GABPA: variants seen among roughly 807,000 people sequenced by gnomAD.
GABPA encodes GA binding protein transcription factor subunit alpha, also known as GA-binding protein alpha chain.
In GABPA, 4 loss-of-function variants were observed where a neutral mutation model predicts 59.4. The observed-to-expected ratio is 0.07, with a 90% CI of 0.03 to 0.15. GABPA has a LOEUF of 0.15. Among genes scored for constraint, GABPA ranks in the 10% least tolerant of loss-of-function variants. GABPA has a pLI of 1.00. For missense variants in GABPA, 251 were observed against 543.8 expected, an observed-to-expected ratio of 0.46 and a Z score of 5.36; for synonymous variants, 164 against 183.1, an observed-to-expected ratio of 0.90 and a Z score of 0.84.
intron 1 of GABPA, among the ~76,000 whole-genome samples, chr21:25,736,896 C>G (rs1301277047): frequency 3.3e-5 from 5 of 152,176 alleles, no homozygotes; most frequent in African/African-American, 1.2e-4. Context: ...TCCTCAGACA[C>G]AGAAAAGCAT....
At chr21:25,738,047 T>C (rs1023249505) in intron 1 of GABPA, among the ~76,000 whole-genome samples, 1 of 152,180 alleles carries the variant, frequency 6.6e-6, no homozygotes, top group African/African-American at 2.4e-5. Flanking sequence ...TTTGAGAATT[T>C]TTCTGGAATG....
chr21:25,738,850 A>C (rs1249593423), intron 1 of GABPA, among the ~76,000 whole-genome samples: 1 of 151,994 alleles, frequency 6.6e-6, no homozygotes, highest in African/African-American at 2.4e-5. Context: ...GAATTCCACA[A>C]TTTTACACAT....
In GABPA at chr21:25,745,314, G is replaced by T; in HGVS notation, c.182G>T (p.Cys61Phe). 1.9e-6 allele frequency: 3 copies of T among 1,612,556 alleles called. No homozygotes were observed. The highest frequency in any genetic ancestry group is 2.5e-6 in the Non-Finnish European group (3 of 1,179,566). The change falls in exon 3 of 10, where the codon TGT becomes TTT. Residue 61 changes from cysteine to phenylalanine, a missense_variant. This residue lies in a region of GABPA where 207 missense variants were observed against 366.7 expected (regional missense o/e 0.56). Transcript: ENST00000400075. ...LKKLLEPRLQCSLDAHEICLQ... is the reference protein window; with the variant it reads ...LKKLLEPRLQFSLDAHEICLQ... ...AAACTGCTAGAACCAAGACTACAGTGTTCTTTGGATGCTCATGAAATTTGT... is the reference window on the plus strand; with the variant it reads ...AAACTGCTAGAACCAAGACTACAGTTTTCTTTGGATGCTCATGAAATTTGT...
intron 9 of GABPA, among the ~76,000 whole-genome samples, chr21:25,765,462 T>G (rs113804005): frequency 1.5e-4 from 23 of 151,938 alleles, no homozygotes; most frequent in African/African-American, 5.6e-4. Flanking sequence ...AGATTATAAT[T>G]TAGCTCACAC....
chr21:25,744,964 A>C (rs2035324592), intron 2 of GABPA, among the ~76,000 whole-genome samples: 1 of 152,216 alleles, frequency 6.6e-6, no homozygotes, highest in Non-Finnish European at 1.5e-5. Flanking sequence ...ACACATATGT[A>C]TGTACATACA....
intron 1 of GABPA, among the ~76,000 whole-genome samples, chr21:25,736,586 A>G (rs1022191877): frequency 1.8e-4 from 28 of 152,218 alleles, no homozygotes; most frequent in Non-Finnish European, 1.5e-5. Flanking sequence ...TGAGGCATGT[A>G]TAGTAATGAA....
intron 4 of GABPA, among the ~76,000 whole-genome samples, chr21:25,750,867 T>C (rs2035491914): frequency 6.6e-6 from 1 of 152,186 alleles, no homozygotes; most frequent in African/African-American, 2.4e-5. Flanking sequence ...AGGAAATAGA[T>C]TTTAACAAAA....
intron 1 of GABPA, among the ~76,000 whole-genome samples, chr21:25,738,924 GA>G (rs533150942): frequency 1.5e-4 from 21 of 144,518 alleles, no homozygotes; most frequent in Middle Eastern, 7.1e-3. Flanking sequence ...GCATCAGCAA[GA>G]AAAAAAAAAA....
chr21:25,746,339 A>T lies in GABPA; in HGVS notation c.222+985A>T, dbSNP rs145430573. Among the ~76,000 whole-genome samples, 17 of 152,154 alleles carry T rather than the reference A, an allele frequency of 1.1e-4. No individual in the cohort carries two copies. In the East Asian group the frequency reaches 2.7e-3, roughly 24 times the overall value. ...TGAGTTTTATACTATTTTTATATTA[A>T]CTTAGATTAATGTATATTGTTTCAT... On this transcript the variant is annotated intron_variant, in intron 3 of 9. Coordinates refer to ENST00000400075, the MANE Select transcript of GABPA (RefSeq NM_002040.4).
chr21:25,752,393 A>G (rs912802586), intron 5 of GABPA, 159 bp downstream of exon 5: 24 of 805,880 alleles, frequency 3.0e-5, no homozygotes, highest in Non-Finnish European at 4.6e-5. Flanking sequence ...ATTTAAGCTC[A>G]TGTGGTGGAC....
At chr21:25,761,124 A>AC (rs962007717) in intron 6 of GABPA, among the ~76,000 whole-genome samples, 6 of 152,176 alleles carry the variant, frequency 3.9e-5, no homozygotes, top group Admixed American at 3.9e-4. Context: ...ATCAAGAGAG[A>AC]CCACAGTTCT....
At chr21:25,762,476 A>T (rs2035788221) in intron 7 of GABPA, 111 bp downstream of exon 7, 1 of 687,814 alleles carries the variant, frequency 1.5e-6, no homozygotes, top group Non-Finnish European at 2.5e-6. Flanking sequence ...TACACACAAA[A>T]TATCTTTTGT....
chr21:25,756,855 G>A (rs2035649232), intron 5 of GABPA, among the ~76,000 whole-genome samples: 1 of 152,044 alleles, frequency 6.6e-6, no homozygotes, highest in African/African-American at 2.4e-5. Flanking sequence ...AAAAAACTTT[G>A]CCACCATCTT....
At position 25,771,140 on chromosome 21, in the gene GABPA, A is replaced by G. The variant is rs2036001671; in HGVS notation, c.*1908A>G. 6.6e-6 allele frequency: 1 copy of G among 152,006 alleles called. No individual in the cohort carries two copies. The highest frequency in any genetic ancestry group is 2.1e-4 in the South Asian group (1 of 4,822). 9.4% of individuals were successfully genotyped at this position (152,006 alleles called of 1,614,324 possible). ...TGTAGTTTTAAAAAAATAATAAAGTATACCCTTCTGGTATATCATCAAGAG... is the reference window on the plus strand; with the variant it reads ...TGTAGTTTTAAAAAAATAATAAAGTGTACCCTTCTGGTATATCATCAAGAG... On this transcript the variant is annotated 3_prime_UTR_variant, in exon 10 of 10. Coordinates refer to ENST00000400075, the MANE Select transcript of GABPA (RefSeq NM_002040.4).
In GABPA at chr21:25,735,090, C is replaced by G. The variant is rs1287273187; in HGVS notation, c.-515C>G. ...TGGAGGGTAAGTGCTTCCGGGTCCC[C>G]TGGCACAGCCTCCGCCATCTTTTCT... is the stretch of plus-strand genomic sequence containing the variant. On this transcript the variant is annotated 5_prime_UTR_variant, in exon 1 of 10. Coordinates refer to ENST00000400075, the MANE Select transcript of GABPA (RefSeq NM_002040.4). The G allele has an allele frequency of 3.6e-6, 3 of 844,350 alleles. No individual in the cohort carries two copies. The highest frequency in any genetic ancestry group is 3.4e-5 in the African/African-American group (2 of 59,574). The allele number at this position is 844,350 out of a possible 1,614,324, so 52.3% of individuals were successfully genotyped here. A position where few individuals can be genotyped will look rare whatever the true frequency, so the allele number is the denominator to read the frequency against.
intron 9 of GABPA, among the ~76,000 whole-genome samples, 175 bp downstream of exon 9, chr21:25,764,962 G>GTT (rs71651639): frequency 6.8e-6 from 1 of 147,740 alleles, no homozygotes; most frequent in African/African-American, 2.5e-5. Flanking sequence ...TCGAGGTACA[G>GTT]TTTTTTTTTT....
At chr21:25,751,030 G>A (rs1369627036) in intron 4 of GABPA, among the ~76,000 whole-genome samples, 1 of 152,030 alleles carries the variant, frequency 6.6e-6, no homozygotes, top group Admixed American at 6.5e-5. Flanking sequence ...TACTTTGATT[G>A]AATTTTGATA....
intron 5 of GABPA, among the ~76,000 whole-genome samples, chr21:25,754,165 A>G (rs539204110): frequency 1.1e-4 from 16 of 152,316 alleles, no homozygotes; most frequent in African/African-American, 3.1e-4. Flanking sequence ...AATTTTTTAT[A>G]TTAATTACCA....
At chr21:25,743,474 G>A (rs1034353) in intron 2 of GABPA, among the ~76,000 whole-genome samples, 39,017 of 151,870 alleles carry the variant, frequency 0.26, 5,977 homozygotes, top group African/African-American at 0.42. Flanking sequence ...TAGGTTAGGC[G>A]ACAGATTGGT....
Sources: gnomAD v4.1 joint callset for allele counts (sites outside exome capture counted in the v4.1 genomes callset) on GRCh38, gnomAD v4.1.1 for gene constraint, gnomAD v4.1.1 regional missense constraint, MANE v1.5 for transcripts, NCBI Gene and HGNC (gene_info 2026-07-23, HGNC 2026-07-21) for gene names.